PTPRD: variants seen among roughly 807,000 people sequenced by gnomAD.
PTPRD encodes protein tyrosine phosphatase receptor type D.
PTPRD carries 34 observed loss-of-function variants against 214.5 expected under a neutral mutation model. The ratio of observed to expected loss-of-function variants is 0.16; its 90% CI spans 0.12 to 0.21. The LOEUF (loss-of-function observed/expected upper bound fraction) is 0.21. Ranked by LOEUF, PTPRD falls within the 10% of genes least tolerant of loss-of-function variation. The pLI is 1.00. For synonymous variants in PTPRD, 1,128 were observed against 845.7 expected (o/e 1.33, Z -5.79); for missense variants, 2,545 against 2,398.7 (o/e 1.06, Z -1.27).
chr9:10,490,042 T>C (rs1361802016), intron 2 of PTPRD, among the ~76,000 whole-genome samples: 2 of 152,180 alleles, frequency 1.3e-5, no homozygotes, highest in South Asian at 2.1e-4. Context: ...ATTGGTGTCC[T>C]TGTCAGGGAA....
At chr9:10,287,518 C>T (rs762386780) in intron 3 of PTPRD, among the ~76,000 whole-genome samples, 1 of 152,070 alleles carries the variant, frequency 6.6e-6, no homozygotes, top group African/African-American at 2.4e-5. Context: ...ATAATGATGC[C>T]GCCATTGCTA....
chr9:9,457,224 T>A (rs1476215859), intron 8 of PTPRD, among the ~76,000 whole-genome samples: 1 of 151,912 alleles, frequency 6.6e-6, no homozygotes. Context: ...GAAGTTCCAT[T>A]CTGATGATAA....
chr9:10,373,293 T>A (rs1285758105), intron 2 of PTPRD, among the ~76,000 whole-genome samples: 1 of 152,066 alleles, frequency 6.6e-6, no homozygotes, highest in Non-Finnish European at 1.5e-5. Context: ...AAAATTTCAT[T>A]GCATGAATTG....
chr9:8,467,794 C>T (rs1369531562), intron 31 of PTPRD, among the ~76,000 whole-genome samples: 5 of 151,352 alleles, frequency 3.3e-5, no homozygotes, highest in South Asian at 2.1e-4. Flanking sequence ...AAAAAAAATC[C>T]GATACCAAAT....
intron 12 of PTPRD, among the ~76,000 whole-genome samples, chr9:8,701,105 G>A (rs1033133738): frequency 2.6e-5 from 4 of 151,944 alleles, no homozygotes; most frequent in African/African-American, 9.7e-5. Context: ...AGGTTACAGT[G>A]AGCCAAGATC....
At chr9:9,803,247 A>T in intron 5 of PTPRD, among the ~76,000 whole-genome samples, 1 of 150,568 alleles carries the variant, frequency 6.6e-6, no homozygotes, top group East Asian at 1.9e-4. Flanking sequence ...ACGTTTTGAT[A>T]AAAAAGAAAA....
At chr9:9,658,635 G>T (rs2096566624) in intron 7 of PTPRD, among the ~76,000 whole-genome samples, 1 of 152,060 alleles carries the variant, frequency 6.6e-6, no homozygotes, top group Non-Finnish European at 1.5e-5. Flanking sequence ...AAGGTTATAT[G>T]CTATGAAAAT....
At chr9:10,109,035 A>G (rs2098664887) in intron 3 of PTPRD, among the ~76,000 whole-genome samples, 2 of 152,296 alleles carry the variant, frequency 1.3e-5, no homozygotes, top group African/African-American at 4.8e-5. Context: ...AGAATGAGGT[A>G]AGGCACTAAA....
chr9:8,587,409 T>C (rs1406181590), intron 14 of PTPRD, among the ~76,000 whole-genome samples: 2 of 152,214 alleles, frequency 1.3e-5, no homozygotes, highest in East Asian at 1.9e-4. Flanking sequence ...TCTTCTAATT[T>C]CACTGACCTT....
chr9:8,828,727 T>G (rs2097222173), intron 11 of PTPRD, among the ~76,000 whole-genome samples: 1 of 152,170 alleles, frequency 6.6e-6, no homozygotes, highest in Non-Finnish European at 1.5e-5. Context: ...CTAAAAAACA[T>G]ATATAATAAA....
intron 12 of PTPRD, among the ~76,000 whole-genome samples, chr9:8,700,419 T>C (rs762536928): frequency 4.6e-5 from 7 of 152,252 alleles, no homozygotes; most frequent in Non-Finnish European, 5.9e-5. Context: ...ATTTCTACTA[T>C]TGAATATCAC....
chr9:9,703,521 G>A (rs994601444), intron 7 of PTPRD, among the ~76,000 whole-genome samples: 14 of 152,146 alleles, frequency 9.2e-5, no homozygotes, highest in South Asian at 2.1e-4. Context: ...TTATGGAATC[G>A]TCATCTGAAT....
At chr9:9,778,888 C>A (rs2098820649) in intron 5 of PTPRD, among the ~76,000 whole-genome samples, 2 of 151,352 alleles carry the variant, frequency 1.3e-5, no homozygotes, top group African/African-American at 2.4e-5. Context: ...CCATAAAGAA[C>A]CCCAATAGTA....
chr9:10,217,861 G>A (rs2498602), intron 3 of PTPRD, among the ~76,000 whole-genome samples: 24,023 of 151,766 alleles, frequency 0.16, 2,169 homozygotes, highest in African/African-American at 0.25. Context: ...GCAGCTTAAG[G>A]AGCTTTCAAG....
At chr9:10,233,992 C>G (rs1309969763) in intron 3 of PTPRD, among the ~76,000 whole-genome samples, 1 of 151,654 alleles carries the variant, frequency 6.6e-6, no homozygotes, top group Admixed American at 6.6e-5. Context: ...GATGATCACG[C>G]CTGTAATCCC....
At chr9:9,127,748 G>A (rs1341907900) in intron 10 of PTPRD, among the ~76,000 whole-genome samples, 1 of 151,944 alleles carries the variant, frequency 6.6e-6, no homozygotes, top group East Asian at 1.9e-4. Flanking sequence ...TCGAATGTCT[G>A]GAAGAGATTA....
intron 3 of PTPRD, among the ~76,000 whole-genome samples, chr9:10,082,414 G>C (rs948796830): frequency 1.3e-5 from 2 of 152,030 alleles, no homozygotes; most frequent in African/African-American, 4.8e-5. Context: ...ACATTGACAA[G>C]GCGTGTGCAC....
At chr9:9,132,765 T>A (rs971686276) in intron 10 of PTPRD, among the ~76,000 whole-genome samples, 27 of 152,204 alleles carry the variant, frequency 1.8e-4, no homozygotes, top group African/African-American at 6.3e-4. Flanking sequence ...CTTCCCATGC[T>A]ATAGGGAATG....
intron 8 of PTPRD, among the ~76,000 whole-genome samples, chr9:9,486,594 A>G (rs1024983932): frequency 2.0e-5 from 3 of 151,336 alleles, no homozygotes; most frequent in African/African-American, 4.9e-5. Flanking sequence ...CAAATGTTCA[A>G]TTCTTTATTG....
Sources: gnomAD v4.1 joint callset for allele counts (sites outside exome capture counted in the v4.1 genomes callset) on GRCh38, gnomAD v4.1.1 for gene constraint, MANE v1.5 for transcripts, NCBI Gene and HGNC (gene_info 2026-07-23, HGNC 2026-07-21) for gene names.